The following EDA variants were observed in gnomAD, a reference collection of about 807,000 sequenced individuals.
EDA encodes the protein ectodysplasin A.
In EDA, 2 loss-of-function variants were observed where a neutral mutation model predicts 23.6. That is an observed-to-expected ratio of 0.08 (90% CI 0.03 to 0.27). The LOEUF is 0.27. Ranked by LOEUF, EDA falls within the 10% of genes least tolerant of loss-of-function variation. EDA has a pLI of 1.00. For synonymous variants in EDA, 131 were observed against 132.0 expected, an observed-to-expected ratio of 0.99 and a Z score of 0.05; for missense variants, 229 against 324.2, an observed-to-expected ratio of 0.71 and a Z score of 2.26.
intron 1 of EDA, among the ~76,000 whole-genome samples, chrX:69,889,264 C>T (rs924904145): frequency 1.0e-4 from 11 of 107,364 alleles, no homozygotes; most frequent in Non-Finnish European, 2.1e-4. Flanking sequence ...CTTCCCACTT[C>T]GTCCTCCATA....
chrX:70,029,357 G>A lies in EDA; in HGVS notation c.707-147G>A, dbSNP rs1450472318. The A allele has an allele frequency of 4.4e-6, 3 of 682,625 alleles. No homozygotes were observed. In the Admixed American group the frequency reaches 7.8e-5, roughly 18 times the overall value. The allele number at this position is 682,625 out of a possible 1,213,427, so 56.3% of individuals were successfully genotyped here. On this transcript the variant is annotated intron_variant, in intron 4 of 7. Coordinates refer to ENST00000374552, the MANE Select transcript of EDA (RefSeq NM_001399.5). The stretch of plus-strand genomic sequence containing the variant: ...GCAGGAAACAGAAGGGGTGCACTCT[G>A]ACTCTTCCTCCAGCTCTGAGCCCTG...
intron 1 of EDA, among the ~76,000 whole-genome samples, chrX:69,693,816 T>C (rs767346649): frequency 5.4e-5 from 6 of 112,017 alleles, no homozygotes; most frequent in African/African-American, 1.6e-4. Flanking sequence ...AATAACCTTT[T>C]TAGCTACTGT....
chrX:69,762,594 G>A (rs182737878), intron 1 of EDA, among the ~76,000 whole-genome samples: 16 of 111,821 alleles, frequency 1.4e-4, no homozygotes, highest in African/African-American at 4.5e-4. Context: ...AGCATCATGA[G>A]CACTCAGCCC....
At chrX:70,012,751 G>A (rs750664098) in intron 2 of EDA, among the ~76,000 whole-genome samples, 3 of 112,400 alleles carry the variant, frequency 2.7e-5, no homozygotes, top group Non-Finnish European at 5.6e-5. Context: ...GCTGCCTTAC[G>A]GAAAAGCAGC....
At chrX:69,800,235 A>G (rs936608280) in intron 1 of EDA, among the ~76,000 whole-genome samples, 1 of 111,861 alleles carries the variant, frequency 8.9e-6, no homozygotes, top group African/African-American at 3.2e-5. Flanking sequence ...AGCGGGGAGC[A>G]GGGGATGACG....
chrX:69,764,482 A>T, intron 1 of EDA, among the ~76,000 whole-genome samples: 1 of 107,060 alleles, frequency 9.3e-6, no homozygotes, highest in Non-Finnish European at 1.9e-5. Flanking sequence ...ATCTCAAGTG[A>T]TCCACCCGCC....
intron 1 of EDA, among the ~76,000 whole-genome samples, chrX:69,645,596 G>GTTTATATATATATA (rs1468818816): frequency 3.4e-5 from 1 of 29,535 alleles, no homozygotes; most frequent in African/African-American, 1.9e-4. Context: ...ATATATATGT[G>GTTTATATATATATA]TGTGTGTATA....
intron 1 of EDA, among the ~76,000 whole-genome samples, chrX:69,782,725 T>G (rs2014993315): frequency 8.9e-6 from 1 of 111,784 alleles, no homozygotes; most frequent in African/African-American, 3.2e-5. Flanking sequence ...CTGTTGTAAA[T>G]TAACTGGTAA....
intron 1 of EDA, chrX:69,670,191 T>TTTTTG (rs1555979906): frequency 3.0e-6 from 1 of 333,488 alleles, no homozygotes; most frequent in Non-Finnish European, 5.1e-6. Flanking sequence ...CTGTTTTTTT[T>TTTTTG]TTTTTTTTTT....
chrX:69,783,824 G>C (rs779832585), intron 1 of EDA, among the ~76,000 whole-genome samples: 1 of 105,358 alleles, frequency 9.5e-6, no homozygotes, highest in Non-Finnish European at 2.0e-5. Flanking sequence ...GGATGACTGG[G>C]TCAAATGGTA....
At chrX:69,712,953 A>G (rs139565461) in intron 1 of EDA, among the ~76,000 whole-genome samples, 163 of 108,734 alleles carry the variant, frequency 1.5e-3, no homozygotes, top group African/African-American at 5.2e-3. Flanking sequence ...TCAGCAAACT[A>G]TTGCAGGGAC....
rs763679869 is a variant in EDA, at chrX:69,863,041, T to TG, written c.397-93985dup. Among the ~76,000 whole-genome samples the TG allele has an allele frequency of 2.1e-3, 130 of 62,101 alleles. 1 individual carries two copies. The highest frequency in any genetic ancestry group is 5.9e-3 in the African/African-American group (124 of 21,044). The allele number at this position is 62,101 out of a possible 115,157, so 53.9% of individuals were successfully genotyped here. On this transcript the variant is annotated intron_variant, in intron 1 of 7. Transcript: ENST00000374552. ...GGAAAGAAAATAGATCTTTATTTTCTGAAAAAAAAAAAAAATAGATGAATA... is the reference window on the plus strand; with the variant it reads ...GGAAAGAAAATAGATCTTTATTTTCTGGAAAAAAAAAAAAAATAGATGAATA...
At chrX:69,657,093 T>C (rs184349235) in intron 1 of EDA, among the ~76,000 whole-genome samples, 1 of 112,352 alleles carries the variant, frequency 8.9e-6, no homozygotes, top group Non-Finnish European at 1.9e-5. Context: ...TCACAGGGGC[T>C]GAACTAATTT....
intron 2 of EDA, among the ~76,000 whole-genome samples, chrX:70,020,016 C>T (rs943919180): frequency 1.8e-5 from 2 of 111,528 alleles, no homozygotes; most frequent in South Asian, 3.7e-4. Flanking sequence ...ATGCCAAAAT[C>T]TATACCAGAT....
intron 2 of EDA, among the ~76,000 whole-genome samples, chrX:70,011,877 G>C (rs1427487132): frequency 8.9e-6 from 1 of 111,845 alleles, no homozygotes; most frequent in Non-Finnish European, 1.9e-5. Context: ...TAGAGACAGA[G>C]TATGTAGTGT....
At chrX:69,994,446 C>T (rs2019629524) in intron 2 of EDA, among the ~76,000 whole-genome samples, 1 of 112,049 alleles carries the variant, frequency 8.9e-6, no homozygotes, top group Non-Finnish European at 1.9e-5. Context: ...AACCCTAATG[C>T]CATTGTTCTC....
intron 1 of EDA, among the ~76,000 whole-genome samples, chrX:69,816,056 C>A (rs1187011871): frequency 9.0e-6 from 1 of 111,262 alleles, no homozygotes; most frequent in African/African-American, 3.3e-5. Flanking sequence ...ATGGGACAAA[C>A]CAAGGCAACT....
At chrX:69,617,943 T>G (rs1244606973) in intron 1 of EDA, among the ~76,000 whole-genome samples, 6 of 108,366 alleles carry the variant, frequency 5.5e-5, no homozygotes, top group Non-Finnish European at 7.6e-5. Flanking sequence ...AAAAAAGATG[T>G]GCATTGTAAA....
chrX:69,827,973 T>C (rs983273855), intron 1 of EDA, among the ~76,000 whole-genome samples: 1 of 110,755 alleles, frequency 9.0e-6, no homozygotes, highest in East Asian at 2.9e-4. Context: ...GAGGTGTCAG[T>C]CTGCCCCTGC....
Sources: allele counts gnomAD v4.1 joint callset (sites outside exome capture counted in the v4.1 genomes callset), GRCh38; gene constraint gnomAD v4.1.1; transcripts MANE v1.5; gene names NCBI Gene and HGNC (gene_info 2026-07-23, HGNC 2026-07-21).